Variants in POLR3E observed in about 807,000 individuals in gnomAD.
POLR3E encodes DNA-directed RNA polymerase III subunit RPC5.
In POLR3E, 41 loss-of-function variants were observed where a neutral mutation model predicts 96.6. The observed-to-expected ratio is 0.42, with a 90% CI of 0.33 to 0.55. POLR3E has a LOEUF of 0.55. Among genes scored for constraint, POLR3E ranks in the 20% least tolerant of loss-of-function variants. The pLI, the probability that POLR3E is intolerant of heterozygous loss-of-function variation, is 0.06. For missense variants in POLR3E, 849 were observed against 952.1 expected (o/e 0.89, Z 1.43); for synonymous variants, 396 against 383.6 (o/e 1.03, Z -0.38).
At chr16:22,306,324 T>C (rs947520233) in intron 3 of POLR3E, among the ~76,000 whole-genome samples, 7 of 152,160 alleles carry the variant, frequency 4.6e-5, no homozygotes, top group African/African-American at 9.7e-5. Flanking sequence ...AGTGGCTTGA[T>C]TGCGGCTCAC....
Position 22,334,254 on chromosome 16 carries a change from T to A in POLR3E, c.*554T>A, listed in dbSNP as rs983342634. On this transcript the variant is annotated 3_prime_UTR_variant, in exon 21 of 21. Coordinates refer to ENST00000299853, the MANE Select transcript of POLR3E (RefSeq NM_018119.4). ...ACCTTTGACAACAACCTACTTTATG[T>A]AGCAGTCTCAACTGTTTACATGAAC... 1 of 152,342 alleles carries A rather than the reference T, an allele frequency of 6.6e-6. No individual in the cohort carries two copies. The highest frequency in any genetic ancestry group is 1.5e-5 in the Non-Finnish European group (1 of 68,142). The allele number at this position is 152,342 out of a possible 1,614,324, so 9.4% of individuals were successfully genotyped here.
chr16:22,322,835 CACCTGCATTGGCAGTGACATCCTATA>C lies in POLR3E; in HGVS notation c.987-14_998del. The C allele has an allele frequency of 6.3e-7, 1 of 1,599,848 alleles. No homozygotes were observed. The highest frequency in any genetic ancestry group is 8.6e-7 in the Non-Finnish European group (1 of 1,167,866). On this transcript the variant is annotated splice_acceptor_variant and splice_polypyrimidine_tract_variant and coding_sequence_variant and intron_variant, in exon 14 of 21. Coordinates refer to ENST00000299853, the MANE Select transcript of POLR3E (RefSeq NM_018119.4). LOFTEE classifies it high-confidence loss of function. This position sits in a 1 kb window ranked among gnomAD's most constrained non-coding sequence, Gnocchi z 5.2. Reference sequence around the variant, plus strand: ...AGGGCAGGGACTGACCTGCCATCCTCACCTGCATTGGCAGTGACATCCTATACCCCAAGGACTCGTCCAGCCCTCAC... The same window carrying C: ...AGGGCAGGGACTGACCTGCCATCCTCCCCCAAGGACTCGTCCAGCCCTCAC...
chr16:22,298,265 G>T (rs1052548325), intron 1 of POLR3E, among the ~76,000 whole-genome samples: 2 of 152,220 alleles, frequency 1.3e-5, no homozygotes, highest in Non-Finnish European at 2.9e-5. Flanking sequence ...AGAGATAATA[G>T]AAATTCCTAC....
At chr16:22,316,170 G>C (rs1020791895) in intron 9 of POLR3E, among the ~76,000 whole-genome samples, 2 of 152,172 alleles carry the variant, frequency 1.3e-5, no homozygotes, top group Admixed American at 1.3e-4. Context: ...GTTTCCTGCT[G>C]TGTGACCTTG....
intron 3 of POLR3E, among the ~76,000 whole-genome samples, chr16:22,307,928 C>T (rs999683297): frequency 2.0e-5 from 3 of 152,144 alleles, no homozygotes; most frequent in Non-Finnish European, 4.4e-5. Context: ...CCTGCAGTGG[C>T]CCTTTGGAAG....
intron 2 of POLR3E, among the ~76,000 whole-genome samples, chr16:22,303,373 C>T (rs1278429401): frequency 6.6e-6 from 1 of 152,206 alleles, no homozygotes; most frequent in East Asian, 1.9e-4. Context: ...CACTGCTGTG[C>T]CGCAAAGCCG....
chr16:22,330,323 G>A (rs1359556539), intron 19 of POLR3E, among the ~76,000 whole-genome samples: 1 of 152,166 alleles, frequency 6.6e-6, no homozygotes, highest in Non-Finnish European at 1.5e-5. Flanking sequence ...GGCCTCAAAT[G>A]ATCTGCCTGC....
rs992804835 is a variant in POLR3E, at chr16:22,309,175, C to G, written c.281+135C>G. On this transcript the variant is annotated intron_variant, in intron 5 of 20. Transcript: ENST00000299853. The stretch of plus-strand genomic sequence containing the variant: ...TGTCCCAGCCTTTGGAGGGCTGGGC[C>G]TGTCTCAGACTCTGCCCTCCTGAAC... 6.0e-6 allele frequency: 4 copies of G among 667,316 alleles called. No individual in the cohort carries two copies. In the African/African-American group the frequency reaches 7.2e-5, roughly 12 times the overall value. 41.3% of individuals were successfully genotyped at this position (667,316 alleles called of 1,614,324 possible).
intron 1 of POLR3E, 154 bp from the exon 2 acceptor site, chr16:22,302,777 T>C (rs991598016): frequency 1.5e-5 from 10 of 686,352 alleles, no homozygotes; most frequent in Non-Finnish European, 1.9e-5. Context: ...GGTATAGGGT[T>C]GGTCATCCAT....
chr16:22,314,627 A>G (rs941362577), intron 8 of POLR3E, among the ~76,000 whole-genome samples: 1 of 152,244 alleles, frequency 6.6e-6, no homozygotes, highest in African/African-American at 2.4e-5. Context: ...TACACGTAGA[A>G]TGATGATACA....
At position 22,322,661 on chromosome 16, in the gene POLR3E, G is replaced by A. The variant is rs982299534; in HGVS notation, c.987-189G>A. The stretch of plus-strand genomic sequence containing the variant: ...ATAAGAGGAAGAACTGGGGGGATGT[G>A]TGGGGTAGAGGGGTGCTTCTTTCCC... On this transcript the variant is annotated intron_variant, in intron 13 of 20. Transcript: ENST00000299853. The surrounding 1 kb of genome is among the most constrained non-coding windows in gnomAD (Gnocchi z 5.2). 2.6e-5 allele frequency among the ~76,000 whole-genome samples: 4 copies of A among 152,088 alleles called. No homozygotes were observed. The highest frequency in any genetic ancestry group is 9.7e-5 in the African/African-American group (4 of 41,404).
intron 12 of POLR3E, among the ~76,000 whole-genome samples, chr16:22,317,514 TGAGGCTTTGTTTGTTTTTCTGTGAAA>T (rs1019589192): frequency 6.6e-6 from 1 of 152,222 alleles, no homozygotes; most frequent in African/African-American, 2.4e-5. Flanking sequence ...TGAACCTTTC[TGAGGCTTTGTTTGTTTTTCTGTGAAA>T]AGAGACTAAT....
Position 22,317,018 on chromosome 16 carries a change from C to G in POLR3E, c.752C>G (p.Pro251Arg). Residue 251 changes from proline to arginine, a missense_variant, in exon 11 of 21, where the codon CCA becomes CGA. By Grantham distance (103) the Pro-to-Arg change is moderately radical. Transcript: ENST00000299853. ...SPSEYLMMLM[P>R]PSQEEEKDKP... ...AGTGAGTACCTGATGATGCTGATGCCACCCAGCCAGGAGGAGGAGAAGTGA... is the reference window on the plus strand; with the variant it reads ...AGTGAGTACCTGATGATGCTGATGCGACCCAGCCAGGAGGAGGAGAAGTGA... 6.2e-7 allele frequency: 1 copy of G among 1,614,190 alleles called. No individual in the cohort carries two copies. The highest frequency in any genetic ancestry group is 1.1e-5 in the South Asian group (1 of 91,092).
chr16:22,325,333 C>G, intron 17 of POLR3E, 67 bp downstream of exon 17: 1 of 1,299,256 alleles, frequency 7.7e-7, no homozygotes. Flanking sequence ...GGCTGCTGTG[C>G]TAGAGCTTGT....
Position 22,318,943 on chromosome 16 carries a change from A to G in POLR3E, c.983A>G (p.Lys328Arg), listed in dbSNP as rs759510680. 1.4e-5 allele frequency: 22 copies of G among 1,600,412 alleles called. No homozygotes were observed. Among genetic ancestry groups the G allele is most frequent in the Non-Finnish European group, 1.9e-5 (22 of 1,174,432 alleles). ...TTGGTCCAAGGGAACTGGGTGGTGAAGAGGTAAGTTGCTTTTTTTATTTTT... is the reference window on the plus strand; with the variant it reads ...TTGGTCCAAGGGAACTGGGTGGTGAGGAGGTAAGTTGCTTTTTTTATTTTT... The part of the protein sequence containing the change: ...AMLVQGNWVV[K>R]SDILYPKDSS... The change falls in exon 13 of 21, where the codon AAG (lysine) becomes AGG (arginine). Residue 328 changes from lysine (K) to arginine (R), a missense_variant. Coordinates refer to ENST00000299853, the MANE Select transcript of POLR3E (RefSeq NM_018119.4). This position sits in a 1 kb window ranked among gnomAD's most constrained non-coding sequence, Gnocchi z 5.0.
Position 22,313,820 on chromosome 16 carries a change from T to G in POLR3E, c.472+93T>G. On this transcript the variant is annotated intron_variant, in intron 7 of 20. Coordinates refer to ENST00000299853, the MANE Select transcript of POLR3E (RefSeq NM_018119.4). The surrounding 1 kb of genome is among the most constrained non-coding windows in gnomAD (Gnocchi z 4.1). ...AAGAGGGATGGGATGATAGGATGTT[T>G]AGCAGGATCCCTGGCCTCTACCTAC... 2.3e-6 allele frequency: 2 copies of G among 882,312 alleles called. No individual in the cohort carries two copies. Among genetic ancestry groups the G allele is most frequent in the Non-Finnish European group, 1.8e-6 (1 of 549,470 alleles). 54.7% of individuals were successfully genotyped at this position (882,312 alleles called of 1,614,324 possible).
chr16:22,327,502 C>T (rs1464093166), intron 18 of POLR3E: 1 of 152,330 alleles, frequency 6.6e-6, no homozygotes, highest in Non-Finnish European at 1.5e-5. Flanking sequence ...GACACCCTCA[C>T]CCCTCCTTCC....
At position 22,324,511 on chromosome 16, in the gene POLR3E, C is replaced by T. The variant is rs763052521; in HGVS notation, c.1137C>T (p.Ala379=). The T allele has an allele frequency of 1.1e-5, 17 of 1,611,660 alleles. No homozygotes were observed. Among genetic ancestry groups the T allele is most frequent in the Admixed American group, 1.7e-5 (1 of 59,934 alleles). The part of the protein sequence containing the change: ...KEVATVTKLC[A]EDVKDFLEHM... Reference sequence around the variant, plus strand: ...GGCCCCCTCCCCTCCAGCTCTGCGCCGAGGATGTGAAGGACTTCCTGGAGC... The same window carrying T: ...GGCCCCCTCCCCTCCAGCTCTGCGCTGAGGATGTGAAGGACTTCCTGGAGC... Residue 379 remains alanine (A), a synonymous_variant, in exon 16 of 21, where the codon GCC becomes GCT. Transcript: ENST00000299853.
Position 22,328,247 on chromosome 16 carries a change from C to T in POLR3E, c.1867-263C>T, listed in dbSNP as rs139239430. On this transcript the variant is annotated intron_variant, in intron 18 of 20. Transcript: ENST00000299853. ...CGGAGGATATCTGCAGACTCGAAGC[C>T]GGGCATTTCACTGGGCCCATCACAC... 2.2e-3 allele frequency: 1,069 copies of T among 483,638 alleles called. 5 individuals carry two copies. Among genetic ancestry groups the T allele is most frequent in the Middle Eastern group, 3.4e-3 (6 of 1,774 alleles). The allele number at this position is 483,638 out of a possible 1,614,324, so 30.0% of individuals were successfully genotyped here. A position where few individuals can be genotyped will look rare whatever the true frequency, so the allele number is the denominator to read the frequency against.
Sources: gnomAD v4.1 joint callset for allele counts (sites outside exome capture counted in the v4.1 genomes callset) on GRCh38, gnomAD v4.1.1 for gene constraint, Gnocchi (gnomAD v3.1) non-coding constraint, MANE v1.5 for transcripts, NCBI Gene and HGNC (gene_info 2026-07-23, HGNC 2026-07-21) for gene names.